Variants in PLCH1 observed in about 807,000 individuals in gnomAD.
PLCH1 encodes the protein phospholipase C eta 1, also known as 1-phosphatidylinositol 4,5-bisphosphate phosphodiesterase eta-1.
In PLCH1, 60 loss-of-function variants were observed where a neutral mutation model predicts 126.7. That is an observed-to-expected ratio of 0.47 (90% CI 0.38 to 0.59). The LOEUF is 0.59. Ranked by LOEUF, PLCH1 falls within the 20% of genes least tolerant of loss-of-function variation. PLCH1 has a pLI of 0.00. For synonymous variants in PLCH1, 719 were observed against 734.9 expected, an observed-to-expected ratio of 0.98 and a Z score of 0.35; for missense variants, 1,723 against 2,040.0, an observed-to-expected ratio of 0.84 and a Z score of 2.99.
In PLCH1 at chr3:155,534,497, A is replaced by T. The variant is rs1327067164; in HGVS notation, c.1363-10493T>A. ...TTTTACAGGCTCCTAGGCAGAAGGG[A>T]CTTCCCTCGTCTCAGATGAGACTTT... On this transcript the variant is annotated intron_variant, in intron 10 of 22. Transcript: ENST00000460012. Among the ~76,000 whole-genome samples the T allele has an allele frequency of 2.0e-5, 3 of 152,264 alleles. No individual in the cohort carries two copies. In the South Asian group the frequency reaches 6.2e-4, roughly 32 times the overall value.
At chr3:155,719,574 T>C (rs921573226) in intron 1 of PLCH1, among the ~76,000 whole-genome samples, 2 of 151,968 alleles carry the variant, frequency 1.3e-5, no homozygotes, top group Non-Finnish European at 2.9e-5. Context: ...TAATAAAAAC[T>C]GGAAGAGAGG....
chr3:155,697,947 C>T (rs1215137109), intron 2 of PLCH1, among the ~76,000 whole-genome samples: 2 of 152,186 alleles, frequency 1.3e-5, no homozygotes, highest in African/African-American at 4.8e-5. Context: ...GTACCAAAAT[C>T]TGTGGAACAG....
chr3:155,542,277 C>A (rs548961654), intron 10 of PLCH1, among the ~76,000 whole-genome samples: 1 of 152,148 alleles, frequency 6.6e-6, no homozygotes, highest in Non-Finnish European at 1.5e-5. Flanking sequence ...GGAGTCTCGC[C>A]GATTGCTAGC....
chr3:155,719,626 T>C (rs897271974), intron 1 of PLCH1, among the ~76,000 whole-genome samples: 3 of 152,126 alleles, frequency 2.0e-5, no homozygotes, highest in African/African-American at 7.2e-5. Flanking sequence ...TGTTGTACTT[T>C]TTGGTAGACA....
At chr3:155,518,636 G>A (rs1243199599) in intron 11 of PLCH1, among the ~76,000 whole-genome samples, 2 of 152,094 alleles carry the variant, frequency 1.3e-5, no homozygotes, top group African/African-American at 2.4e-5. Context: ...TTTCACTTAA[G>A]GTCAGAAGCA....
intron 1 of PLCH1, among the ~76,000 whole-genome samples, chr3:155,724,010 T>C (rs573137885): frequency 7.8e-4 from 118 of 151,492 alleles, no homozygotes; most frequent in African/African-American, 2.7e-3. Flanking sequence ...CCAACAACCA[T>C]TCAGGTGCAG....
chr3:155,652,303 G>C (rs749831059), intron 2 of PLCH1, among the ~76,000 whole-genome samples: 1 of 152,148 alleles, frequency 6.6e-6, no homozygotes, highest in Non-Finnish European at 1.5e-5. Flanking sequence ...TATTTGCACA[G>C]TATCATTTAT....
intron 2 of PLCH1, among the ~76,000 whole-genome samples, chr3:155,667,542 AAC>A (rs1559916560): frequency 6.6e-6 from 1 of 152,190 alleles, no homozygotes; most frequent in African/African-American, 2.4e-5. Flanking sequence ...GGCATGAAAA[AAC>A]ACACATATTT....
At chr3:155,701,581 G>T (rs1746277531) in intron 2 of PLCH1, among the ~76,000 whole-genome samples, 1 of 152,134 alleles carries the variant, frequency 6.6e-6, no homozygotes, top group African/African-American at 2.4e-5. Flanking sequence ...GTTATGTAAG[G>T]AGAGTTATCA....
At chr3:155,600,128 C>G (rs1733525719) in intron 2 of PLCH1, among the ~76,000 whole-genome samples, 1 of 152,138 alleles carries the variant, frequency 6.6e-6, no homozygotes, top group Non-Finnish European at 1.5e-5. Context: ...ACTTACTTTT[C>G]CCTTTCCCAA....
intron 14 of PLCH1, among the ~76,000 whole-genome samples, chr3:155,499,980 AAAT>A (rs1422110019): frequency 2.0e-5 from 3 of 152,114 alleles, no homozygotes; most frequent in African/African-American, 7.2e-5. Flanking sequence ...TTCTAATTTC[AAAT>A]AATTTCATTT....
At chr3:155,669,522 G>C (rs1240655329) in intron 2 of PLCH1, among the ~76,000 whole-genome samples, 1 of 152,222 alleles carries the variant, frequency 6.6e-6, no homozygotes, top group Non-Finnish European at 1.5e-5. Context: ...AGGCTACAGT[G>C]AGCCAAGATT....
intron 1 of PLCH1, among the ~76,000 whole-genome samples, chr3:155,708,223 A>T (rs779980135): frequency 5.3e-5 from 8 of 152,208 alleles, no homozygotes; most frequent in Non-Finnish European, 8.8e-5. Context: ...TAATGAAAAG[A>T]TGCTCTCCCT....
chr3:155,471,395 C>T (rs574714004), intron 21 of PLCH1, among the ~76,000 whole-genome samples: 11 of 151,510 alleles, frequency 7.3e-5, no homozygotes, highest in Non-Finnish European at 1.0e-4. Flanking sequence ...AATATATATG[C>T]GCCCAATACA....
intron 9 of PLCH1, 25 bp from the exon 10 acceptor site, chr3:155,549,983 G>C: frequency 3.8e-6 from 6 of 1,593,046 alleles, no homozygotes; most frequent in Non-Finnish European, 5.1e-6. Flanking sequence ...ACACAGTCCA[G>C]AGGCGTCAGG....
chr3:155,617,862 CA>C (rs1240224076), intron 2 of PLCH1, among the ~76,000 whole-genome samples: 1 of 152,146 alleles, frequency 6.6e-6, no homozygotes, highest in Non-Finnish European at 1.5e-5. Context: ...TAAAGAATGC[CA>C]CTTTCTAACA....
intron 2 of PLCH1, among the ~76,000 whole-genome samples, chr3:155,655,108 C>A (rs1398776449): frequency 6.6e-6 from 1 of 152,132 alleles, no homozygotes; most frequent in Non-Finnish European, 1.5e-5. Flanking sequence ...TCAAATATCA[C>A]CTCTTATAAA....
chr3:155,638,682 C>G (rs1300470738), intron 2 of PLCH1, among the ~76,000 whole-genome samples: 1 of 152,180 alleles, frequency 6.6e-6, no homozygotes, highest in Non-Finnish European at 1.5e-5. Context: ...AATCTTAGAG[C>G]CTCCAGCTTC....
intron 21 of PLCH1, among the ~76,000 whole-genome samples, chr3:155,452,434 C>G (rs774325561): frequency 6.6e-6 from 1 of 151,982 alleles, no homozygotes; most frequent in African/African-American, 2.4e-5. Flanking sequence ...TTTGGAGAAC[C>G]CTGGTTAACA....
Sources: allele counts gnomAD v4.1 joint callset (sites outside exome capture counted in the v4.1 genomes callset), GRCh38; gene constraint gnomAD v4.1.1; transcripts MANE v1.5; gene names NCBI Gene and HGNC (gene_info 2026-07-23, HGNC 2026-07-21).